The following MIDEAS variants were observed in gnomAD, a reference collection of about 807,000 sequenced individuals.
MIDEAS encodes mitotic deacetylase associated SANT domain protein.
In MIDEAS, 26 loss-of-function variants were observed where a neutral mutation model predicts 102.7. The observed-to-expected ratio is 0.25, with a 90% CI of 0.19 to 0.35. The LOEUF (loss-of-function observed/expected upper bound fraction) is 0.35. Ranked by LOEUF, MIDEAS falls within the 10% of genes least tolerant of loss-of-function variation. The pLI, the probability that MIDEAS is intolerant of heterozygous loss-of-function variation, is 1.00. For synonymous variants in MIDEAS, 585 were observed against 591.0 expected, an observed-to-expected ratio of 0.99 and a Z score of 0.15; for missense variants, 1,231 against 1,435.6, an observed-to-expected ratio of 0.86 and a Z score of 2.30.
chr14:73,726,620 G>A lies in MIDEAS; in HGVS notation c.2393C>T (p.Ser798Phe). 1 of 1,614,178 alleles carries A rather than the reference G, an allele frequency of 6.2e-7. No individual in the cohort carries two copies. The highest frequency in any genetic ancestry group is 2.2e-5 in the East Asian group (1 of 44,894). ...CCTTCTCACCAGGATGTCTCCTCTG[G>A]ATTCGTGCAGACAGTGCAGGGCCAG... is the stretch of plus-strand genomic sequence containing the variant. ...QELALHCLHE[S>F]RGDILETLNK... The change falls in exon 7 of 13, where the codon TCC becomes TTC. Residue 798 changes from serine to phenylalanine, a missense_variant. By Grantham distance (155) the Ser-to-Phe change is radical (BLOSUM62 -2). Coordinates refer to ENST00000423556, the MANE Select transcript of MIDEAS (RefSeq NM_001367710.1).
chr14:73,717,455 G>C lies in MIDEAS; in HGVS notation c.*1388C>G, dbSNP rs913473923. 7.9e-5 allele frequency: 12 copies of C among 152,286 alleles called. No individual in the cohort carries two copies. Among genetic ancestry groups the C allele is most frequent in the Non-Finnish European group, 1.5e-4 (10 of 68,068 alleles). 9.4% of individuals were successfully genotyped at this position (152,286 alleles called of 1,614,324 possible). A position where few individuals can be genotyped will look rare whatever the true frequency, so the allele number is the denominator to read the frequency against. On this transcript the variant is annotated 3_prime_UTR_variant, in exon 13 of 13. Coordinates refer to ENST00000423556, the MANE Select transcript of MIDEAS (RefSeq NM_001367710.1). ...CTTGCCAACTCTTCCCTCAGGCAAAGCACAGCCAGAGAAGGGGCAGCAAGA... is the reference window on the plus strand; with the variant it reads ...CTTGCCAACTCTTCCCTCAGGCAAACCACAGCCAGAGAAGGGGCAGCAAGA...
chr14:73,763,243 T>A (rs1358653194), upstream of MIDEAS, among the ~76,000 whole-genome samples: 2 of 152,078 alleles, frequency 1.3e-5, no homozygotes, highest in Non-Finnish European at 2.9e-5. Context: ...GAGGCTGAGG[T>A]AGGAGGATTG....
At chr14:73,786,502 G>T (rs1254557051) in intron 1 of MIDEAS, among the ~76,000 whole-genome samples, 1 of 152,218 alleles carries the variant, frequency 6.6e-6, no homozygotes, top group Admixed American at 6.5e-5. Flanking sequence ...TTTGGGACAT[G>T]GTTGGGAAGG....
intron 1 of MIDEAS, among the ~76,000 whole-genome samples, chr14:73,769,216 T>G (rs1009310549): frequency 3.3e-5 from 5 of 151,766 alleles, no homozygotes; most frequent in South Asian, 2.1e-4. Flanking sequence ...GCTGGGCAGG[T>G]GTGGAGATGA....
intron 1 of MIDEAS, among the ~76,000 whole-genome samples, chr14:73,786,112 T>C (rs2053805144): frequency 6.6e-6 from 1 of 152,152 alleles, no homozygotes; most frequent in Non-Finnish European, 1.5e-5. Context: ...ACACCCCATC[T>C]CGAGTCTCCA....
chr14:73,746,577 CTA>C (rs1227778646), intron 1 of MIDEAS, among the ~76,000 whole-genome samples: 2 of 152,306 alleles, frequency 1.3e-5, no homozygotes, highest in African/African-American at 4.8e-5. Context: ...TCTCTATGCC[CTA>C]TACAGCTCCC....
At position 73,739,787 on chromosome 14, in the gene MIDEAS, G is replaced by A. The variant is rs1396838767; in HGVS notation, c.222C>T (p.Asn74=). 1 of 1,613,750 alleles carries A rather than the reference G, an allele frequency of 6.2e-7. No individual in the cohort carries two copies. The highest frequency in any genetic ancestry group is 1.6e-4 in the Middle Eastern group (1 of 6,062). The change falls in exon 2 of 13, where the codon AAC becomes AAT. Residue 74 remains asparagine (N), a synonymous_variant. Coordinates refer to ENST00000423556, the MANE Select transcript of MIDEAS (RefSeq NM_001367710.1). ...LPPPSSLALL[N]SVVYGPERTS... ...TCCGCTCAGGCCCATATACCACAGA[G>A]TTCAGCAGGGCCAGGCTGCTAGGAG...
At chr14:73,770,596 A>G (rs2053634187) in intron 1 of MIDEAS, among the ~76,000 whole-genome samples, 1 of 152,152 alleles carries the variant, frequency 6.6e-6, no homozygotes, top group African/African-American at 2.4e-5. Flanking sequence ...CCTCTCACCA[A>G]AGAAAGGAAA....
intron 1 of MIDEAS, among the ~76,000 whole-genome samples, chr14:73,776,916 C>T (rs552197101): frequency 3.4e-4 from 52 of 151,996 alleles, no homozygotes; most frequent in Admixed American, 5.2e-4. Context: ...ACTAAAAACA[C>T]AAACATTAGC....
At chr14:73,764,354 A>AC (rs1259032787), upstream of MIDEAS, among the ~76,000 whole-genome samples, 62 of 149,714 alleles carry the variant, frequency 4.1e-4, no homozygotes, top group East Asian at 2.4e-3. Flanking sequence ...AAAAAAAAAA[A>AC]AAAAAAAAAC....
chr14:73,734,469 A>G (rs2053177653), intron 3 of MIDEAS, among the ~76,000 whole-genome samples: 1 of 152,164 alleles, frequency 6.6e-6, no homozygotes, highest in South Asian at 2.1e-4. Context: ...GTGCAGTGGC[A>G]CAATCACAGC....
At chr14:73,738,015 C>A (rs2053225545) in intron 2 of MIDEAS, among the ~76,000 whole-genome samples, 1 of 152,158 alleles carries the variant, frequency 6.6e-6, no homozygotes, top group East Asian at 2.0e-4. Flanking sequence ...AACTCCTGAC[C>A]TCAAGTGATC....
intron 12 of MIDEAS, 34 bp downstream of exon 12, chr14:73,719,271 G>GGGGTCCCA: frequency 7.4e-7 from 1 of 1,345,958 alleles, no homozygotes; most frequent in Non-Finnish European, 9.9e-7. Context: ...CCAGCCCGCG[G>GGGGTCCCA]GGGTCCCAGC....
intron 1 of MIDEAS, among the ~76,000 whole-genome samples, chr14:73,756,570 C>T (rs1402302672): frequency 2.0e-5 from 3 of 152,180 alleles, no homozygotes; most frequent in African/African-American, 2.4e-5. Context: ...CAACAGAATG[C>T]GGCCACTGGC....
chr14:73,737,207 T>C lies in MIDEAS; in HGVS notation c.1540A>G (p.Lys514Glu), dbSNP rs1273809251. Residue 514 changes from lysine to glutamate, a missense_variant, in exon 3 of 13, where the codon AAG becomes GAG. Around this residue, in one of 5 missense-constraint regions of MIDEAS, gnomAD observed 758 missense variants for 856.0 expected, o/e 0.89. Transcript: ENST00000423556. ...VEFSEPSLAT[K>E]RAREDSGMVP... ...ATCCCACTGTCTTCTCGTGCTCGCT[T>C]GGTGGCTAAGGAAGGCTCAGAAAAC... 6.2e-7 allele frequency: 1 copy of C among 1,614,050 alleles called. No individual in the cohort carries two copies. The highest frequency in any genetic ancestry group is 1.3e-5 in the African/African-American group (1 of 74,912).
At chr14:73,750,193 T>A (rs2053403956) in intron 1 of MIDEAS, among the ~76,000 whole-genome samples, 2 of 152,168 alleles carry the variant, frequency 1.3e-5, no homozygotes, top group African/African-American at 4.8e-5. Context: ...TATGTCCTCA[T>A]TCTCCAGAGG....
Position 73,786,851 on chromosome 14 carries a change from G to A in MIDEAS, c.-248+251C>T, listed in dbSNP as rs1009791411. ...CCCCCCACCCTACCTCAGGCCAACG[G>A]CGCCTGGAGCTGGCCCCGCTGCAGC... On this transcript the variant is annotated intron_variant, in intron 1 of 11. Transcript: ENST00000394071. Among the ~76,000 whole-genome samples, 6 of 151,904 alleles carry A rather than the reference G, an allele frequency of 3.9e-5. 1 individual carries two copies. The highest frequency in any genetic ancestry group is 7.3e-5 in the African/African-American group (3 of 41,374).
In MIDEAS at chr14:73,739,272, T is replaced by G. The variant is rs1273988859; in HGVS notation, c.737A>C (p.Gln246Pro). ...TGGTTGCTGCTGCTGCTGCTGCTTC[T>G]GTGGAGGGAAGGCAGCCACCGGGTT... The part of the protein sequence containing the change: ...PPNPVAAFPP[Q>P]KQQQQQQPQQ... The change falls in exon 2 of 13, where the codon CAG becomes CCG. Residue 246 changes from glutamine to proline, a missense_variant. Around this residue, in one of 5 missense-constraint regions of MIDEAS, gnomAD observed 758 missense variants for 856.0 expected, o/e 0.89. Transcript: ENST00000423556. 3 of 1,612,070 alleles carry G rather than the reference T, an allele frequency of 1.9e-6. No homozygotes were observed. In the African/African-American group the frequency reaches 4.0e-5, roughly 22 times the overall value.
In MIDEAS at chr14:73,785,760, T is replaced by TCCTGGGATAGTTTTCAGGCTG. The variant is rs540402477; in HGVS notation, c.-248+1321_-248+1341dup. Among the ~76,000 whole-genome samples the TCCTGGGATAGTTTTCAGGCTG allele has an allele frequency of 1.3e-3, 195 of 152,276 alleles. 1 individual carries two copies. The highest frequency in any genetic ancestry group is 2.3e-3 in the Admixed American group (35 of 15,296). On this transcript the variant is annotated intron_variant, in intron 1 of 11. Transcript: ENST00000394071. ...CTCCGGAGACAAATAAGGGTAGAGT[T>TCCTGGGATAGTTTTCAGGCTG]CCTGGGATAGTTTTCAGGCTGCCTA...
Sources: gnomAD v4.1 joint callset for allele counts (sites outside exome capture counted in the v4.1 genomes callset) on GRCh38, gnomAD v4.1.1 for gene constraint, gnomAD v4.1.1 regional missense constraint, MANE v1.5 for transcripts, NCBI Gene and HGNC (gene_info 2026-07-23, HGNC 2026-07-21) for gene names.